NCOR2: variants seen among roughly 807,000 people sequenced by gnomAD.
NCOR2 encodes nuclear receptor corepressor 2, also known as CTG repeat protein 26.
Under a neutral mutation model 262.9 loss-of-function variants are expected in NCOR2, and 81 were observed. The observed-to-expected ratio is 0.31, with a 90% CI of 0.26 to 0.37. The LOEUF (loss-of-function observed/expected upper bound fraction) is 0.37. NCOR2 is among the 10% of genes least tolerant of loss of function. The pLI, the probability that NCOR2 is intolerant of heterozygous loss-of-function variation, is 1.00. For synonymous variants in NCOR2, 1,659 were observed against 1,559.3 expected (o/e 1.06, Z -1.51); for missense variants, 3,385 against 3,621.4 (o/e 0.93, Z 1.68).
At chr12:124,426,936 A>T (rs1340215566) in intron 10 of NCOR2, 136 bp from the exon 13 acceptor site, 2 of 733,110 alleles carry the variant, frequency 2.7e-6, no homozygotes, top group Admixed American at 5.8e-5. Flanking sequence ...GGAGAAGGAG[A>T]ATGATGAGTT....
chr12:124,346,685 C>T (rs1298109056), exon 31 of NCOR2: 1 of 1,574,330 alleles, frequency 6.4e-7, no homozygotes, highest in Non-Finnish European at 8.6e-7. Flanking sequence ...GGCCACCAGG[C>T]CCTCATGGGC....
intron 1 of NCOR2, among the ~76,000 whole-genome samples, chr12:124,502,451 G>T (rs907612437): frequency 3.9e-5 from 6 of 152,134 alleles, no homozygotes; most frequent in Non-Finnish European, 7.3e-5. Flanking sequence ...AGGGAATGGG[G>T]GTACATTTTG....
chr12:124,499,501 C>T (rs769419372), upstream of NCOR2, among the ~76,000 whole-genome samples: 6 of 152,100 alleles, frequency 3.9e-5, no homozygotes, highest in Non-Finnish European at 5.9e-5. Flanking sequence ...AGGGTGAAGG[C>T]GAGGGGATGG....
rs550572255 is a variant in NCOR2, at chr12:124,381,297, C to A, written c.2020-2913G>T. On this transcript the variant is annotated intron_variant, in intron 17 of 46. Coordinates refer to ENST00000405201, the Ensembl canonical transcript of NCOR2. ...ACCCTTCCCCTAGATATCTGCATAACTCACTTCCTCACCTCCTTCGGGCCT... is the reference window on the plus strand; with the variant it reads ...ACCCTTCCCCTAGATATCTGCATAAATCACTTCCTCACCTCCTTCGGGCCT... Among the ~76,000 whole-genome samples the A allele has an allele frequency of 1.0e-3, 156 of 152,312 alleles. 1 individual carries two copies. The highest frequency in any genetic ancestry group is 3.6e-3 in the African/African-American group (151 of 41,562).
chr12:124,536,024 G>A (rs985216864), upstream of NCOR2, among the ~76,000 whole-genome samples: 1 of 152,166 alleles, frequency 6.6e-6, no homozygotes, highest in African/African-American at 2.4e-5. Context: ...GATGGGGTCC[G>A]GGGGTGGGGG....
chr12:124,563,112 C>T (rs942886027), intron 1 of NCOR2, among the ~76,000 whole-genome samples: 1 of 152,210 alleles, frequency 6.6e-6, no homozygotes, highest in Non-Finnish European at 1.5e-5. Flanking sequence ...CGGCAATGTG[C>T]CCATTTTGCA....
rs1275703214 is a variant in NCOR2 at position 124,548,345 on chromosome 12, G to A, written c.-164-12734C>T. Among the ~76,000 whole-genome samples the A allele has an allele frequency of 1.3e-5, 2 of 152,164 alleles. No individual in the cohort carries two copies. Among genetic ancestry groups the A allele is most frequent in the South Asian group, 4.1e-4 (2 of 4,826 alleles). Reference sequence around the variant, plus strand: ...CAGAGCAGTGGGAAGAGAATGGAGAGTGTGGGGCCAGAGTCTCATGGACCT... The same window carrying A: ...CAGAGCAGTGGGAAGAGAATGGAGAATGTGGGGCCAGAGTCTCATGGACCT... On this transcript the variant is annotated intron_variant, in intron 1 of 32. Coordinates refer to the NCOR2 transcript ENST00000458234. This position sits in a 1 kb window ranked among gnomAD's most constrained non-coding sequence, Gnocchi z 5.1.
At position 124,402,566 on chromosome 12, in the gene NCOR2, C is replaced by G. The variant is rs765123428; in HGVS notation, c.1483-5G>C. The stretch of plus-strand genomic sequence containing the variant: ...CTGCTGCTGTTGTTGCTGCTGCTGT[C>G]AGACCCCGGGGGAGGGCAGAGGGGA... On this transcript the variant is annotated splice_polypyrimidine_tract_variant and splice_region_variant and intron_variant, in intron 13 of 46. Coordinates refer to ENST00000405201, the Ensembl canonical transcript of NCOR2. 1 of 1,545,454 alleles carries G rather than the reference C, an allele frequency of 6.5e-7. No individual in the cohort carries two copies. Among genetic ancestry groups the G allele is most frequent in the Non-Finnish European group, 8.8e-7 (1 of 1,141,934 alleles).
chr12:124,401,542 G>C (rs1291164981), intron 14 of NCOR2, among the ~76,000 whole-genome samples: 1 of 152,252 alleles, frequency 6.6e-6, no homozygotes, highest in Non-Finnish European at 1.5e-5. Context: ...TTGGCCTTCA[G>C]TATTATCAAG....
chr12:124,469,769 C>A (rs577652276), intron 4 of NCOR2, among the ~76,000 whole-genome samples: 1 of 152,166 alleles, frequency 6.6e-6, no homozygotes, highest in Admixed American at 6.5e-5. Context: ...AGCAGTGACA[C>A]GCTATAAAGG....
In NCOR2 at chr12:124,523,705, G is replaced by C. The variant is rs1398760838; in HGVS notation, c.-118+11860C>G. ...AAAGTTTACAAATTTGTGTTGGGCTGCATTTAAAACCGTCCTGAGCCGCAG... is the reference window on the plus strand; with the variant it reads ...AAAGTTTACAAATTTGTGTTGGGCTCCATTTAAAACCGTCCTGAGCCGCAG... On this transcript the variant is annotated intron_variant, in intron 1 of 46. Transcript: ENST00000404621. The surrounding 1 kb of genome is among the most constrained non-coding windows in gnomAD (Gnocchi z 4.0). Among the ~76,000 whole-genome samples, 1 of 151,874 alleles carries C rather than the reference G, an allele frequency of 6.6e-6. No homozygotes were observed. The highest frequency in any genetic ancestry group is 1.5e-5 in the Non-Finnish European group (1 of 68,018).
At chr12:124,358,239 T>A (rs1223526007) in intron 22 of NCOR2, among the ~76,000 whole-genome samples, 1 of 149,502 alleles carries the variant, frequency 6.7e-6, no homozygotes, top group African/African-American at 2.6e-5. Context: ...CATGGATGTG[T>A]GTATGTGCCT....
At chr12:124,353,273 T>C (rs1168605026) in intron 27 of NCOR2, among the ~76,000 whole-genome samples, 2 of 152,216 alleles carry the variant, frequency 1.3e-5, no homozygotes, top group Non-Finnish European at 2.9e-5. Flanking sequence ...CCGCTGCCTG[T>C]CTGAGTAGGT....
At chr12:124,421,226 G>C (rs2043185756) in intron 12 of NCOR2, among the ~76,000 whole-genome samples, 1 of 152,214 alleles carries the variant, frequency 6.6e-6, no homozygotes, top group African/African-American at 2.4e-5. Flanking sequence ...GGCAGCTCCT[G>C]CTCCAGACCC....
chr12:124,457,070 C>A lies in NCOR2; in HGVS notation c.762+36G>T. The A allele has an allele frequency of 7.4e-7, 1 of 1,344,602 alleles. No homozygotes were observed. The highest frequency in any genetic ancestry group is 1.4e-5 in the South Asian group (1 of 71,682). 83.3% of individuals were successfully genotyped at this position (1,344,602 alleles called of 1,614,324 possible). On this transcript the variant is annotated intron_variant, in intron 6 of 46. Transcript: ENST00000405201. This position sits in a 1 kb window ranked among gnomAD's most constrained non-coding sequence, Gnocchi z 4.0. The stretch of plus-strand genomic sequence containing the variant: ...TGCCCACCTCTCCAGCCACCCCCGC[C>A]CTCCCCTGAGCCCCTGACCCTGTAC...
intron 27 of NCOR2, 105 bp downstream of exon 29, chr12:124,353,987 AC>A: frequency 9.9e-7 from 1 of 1,009,422 alleles, no homozygotes; most frequent in Non-Finnish European, 1.5e-6. Context: ...CCCAGTCATC[AC>A]CCCATCGGCT....
At chr12:124,326,003 T>TG (rs1447708611) in intron 46 of NCOR2, 188 bp downstream of exon 48, 1 of 599,700 alleles carries the variant, frequency 1.7e-6, no homozygotes, top group African/African-American at 1.9e-5. Flanking sequence ...CCTGTGCCCC[T>TG]GGCAGAAGCA....
chr12:124,354,677 T>C lies in NCOR2; in HGVS notation c.3485-95A>G, dbSNP rs2037802500. Reference sequence around the variant, plus strand: ...ACCTGAGCCAGGGGCTGGGAAGCGCTGCCCCTCCCCACCATGTTCCAGCCA... The same window carrying C: ...ACCTGAGCCAGGGGCTGGGAAGCGCCGCCCCTCCCCACCATGTTCCAGCCA... On this transcript the variant is annotated intron_variant, in intron 25 of 46. Transcript: ENST00000405201. 2.3e-6 allele frequency: 3 copies of C among 1,316,046 alleles called. No individual in the cohort carries two copies. The South Asian group carries it at 4.5e-5, about 20-fold the overall frequency. 81.5% of individuals were successfully genotyped at this position (1,316,046 alleles called of 1,614,324 possible). A position where few individuals can be genotyped will look rare whatever the true frequency, so the allele number is the denominator to read the frequency against.
At chr12:124,356,684 G>T in exon 23 of NCOR2, 1 of 1,474,004 alleles carries the variant, frequency 6.8e-7, no homozygotes, top group Non-Finnish European at 9.0e-7. Flanking sequence ...GGGGCATGCG[G>T]GGAGGCCTTG....
Sources: gnomAD v4.1 joint callset for allele counts (sites outside exome capture counted in the v4.1 genomes callset) on GRCh38, gnomAD v4.1.1 for gene constraint, Gnocchi (gnomAD v3.1) non-coding constraint, MANE v1.5 for transcripts, NCBI Gene and HGNC (gene_info 2026-07-23, HGNC 2026-07-21) for gene names.